EFCAB8: variants seen among roughly 807,000 people sequenced by gnomAD.
EFCAB8 encodes EF-hand calcium-binding domain-containing protein 8.
A neutral mutation model predicts 116.3 loss-of-function variants in EFCAB8; 100 were observed. The observed-to-expected ratio is 0.86, with a 90% confidence interval of 0.73 to 1.02. The LOEUF (loss-of-function observed/expected upper bound fraction) is 1.02, where lower values mean the gene tolerates loss of function less well. Ranked by LOEUF, EFCAB8 falls within the 50% of genes least tolerant of loss-of-function variation. The pLI, the probability that EFCAB8 is intolerant of heterozygous loss-of-function variation, is 0.00. For missense variants in EFCAB8, 1,320 were observed against 1,416.9 expected (o/e 0.93, Z 1.10); for synonymous variants, 558 against 567.9 (o/e 0.98, Z 0.25).
At chr20:32,912,014 A>G (rs936300619) in intron 16 of EFCAB8, among the ~76,000 whole-genome samples, 15 of 152,176 alleles carry the variant, frequency 9.9e-5, no homozygotes, top group Admixed American at 7.9e-4. Context: ...GTTAATTCAC[A>G]GCCACCCATG....
At position 32,908,373 on chromosome 20, in the gene EFCAB8, C is replaced by T. The variant is rs1265428315; in HGVS notation, c.1407C>T (p.Phe469=). Residue 469 remains phenylalanine, a synonymous_variant, in exon 14 of 27, where the codon TTC becomes TTT. Transcript: ENST00000400522. ...ACTGCCCCATCACCAGTGCCTACTT[C>T]TTCGAGAAGGACAATACCCTCATCT... is the stretch of plus-strand genomic sequence containing the variant. The part of the protein sequence containing the change: ...LGNCPITSAY[F]FEKDNTLICS... The T allele has an allele frequency of 4.8e-6, 6 of 1,249,924 alleles. No individual in the cohort carries two copies. The highest frequency in any genetic ancestry group is 1.6e-5 in the African/African-American group (1 of 64,512). The allele number at this position is 1,249,924 out of a possible 1,614,324, so 77.4% of individuals were successfully genotyped here.
At chr20:32,915,251 G>C (rs960201038) in intron 17 of EFCAB8, among the ~76,000 whole-genome samples, 2 of 152,062 alleles carry the variant, frequency 1.3e-5, no homozygotes, top group African/African-American at 2.4e-5. Flanking sequence ...TTTGTCTCTT[G>C]TTGCATTTTA....
At chr20:32,867,438 A>C in intron 2 of EFCAB8, 144 bp from the exon 3 acceptor site, 1 of 933,506 alleles carries the variant, frequency 1.1e-6, no homozygotes, top group Middle Eastern at 2.6e-4. Flanking sequence ...AAAATGGTTA[A>C]GAATTCTGTA....
intron 9 of EFCAB8, among the ~76,000 whole-genome samples, chr20:32,894,780 C>A (rs533303551): frequency 2.0e-5 from 3 of 152,364 alleles, no homozygotes; most frequent in South Asian, 4.1e-4. Flanking sequence ...TGCACAGTGA[C>A]TATGCTATGA....
At chr20:32,946,401 T>G (rs1988597334) in intron 23 of EFCAB8, among the ~76,000 whole-genome samples, 1 of 152,138 alleles carries the variant, frequency 6.6e-6, no homozygotes, top group African/African-American at 2.4e-5. Context: ...TGGTTTTTTG[T>G]TTTTTGTTTT....
intron 11 of EFCAB8, among the ~76,000 whole-genome samples, chr20:32,906,203 A>G (rs370788167): frequency 1.2e-4 from 18 of 152,186 alleles, no homozygotes; most frequent in African/African-American, 3.9e-4. Context: ...GTCCCAGTAC[A>G]GTTGATGTGA....
intron 10 of EFCAB8, among the ~76,000 whole-genome samples, chr20:32,898,037 G>A (rs751940298): frequency 2.6e-5 from 4 of 152,166 alleles, no homozygotes; most frequent in Non-Finnish European, 5.9e-5. Flanking sequence ...AAGTTGCCGT[G>A]AAATGCACAT....
intron 1 of EFCAB8, 103 bp from the exon 2 acceptor site, chr20:32,863,680 T>C: frequency 8.5e-7 from 1 of 1,170,892 alleles, no homozygotes; most frequent in South Asian, 1.5e-5. Context: ...CCCTCTCCCT[T>C]GACCTTGACT....
intron 3 of EFCAB8, among the ~76,000 whole-genome samples, chr20:32,870,688 G>C (rs1327116435): frequency 6.6e-6 from 1 of 152,090 alleles, no homozygotes; most frequent in Non-Finnish European, 1.5e-5. Flanking sequence ...TTTTGGTAGA[G>C]ATGGGGTCTT....
chr20:32,946,709 A>G (rs1353413966), intron 23 of EFCAB8, among the ~76,000 whole-genome samples: 1 of 152,208 alleles, frequency 6.6e-6, no homozygotes, highest in Non-Finnish European at 1.5e-5. Flanking sequence ...GTGAGGTTTC[A>G]TGAATGCATA....
At chr20:32,861,857 T>G (rs1430340821) in intron 1 of EFCAB8, among the ~76,000 whole-genome samples, 1 of 152,222 alleles carries the variant, frequency 6.6e-6, no homozygotes, top group East Asian at 1.9e-4. Flanking sequence ...GAGTATATGT[T>G]TCCAGGCTCT....
At chr20:32,918,255 C>T in intron 18 of EFCAB8, 107 bp from the exon 19 acceptor site, 1 of 1,156,854 alleles carries the variant, frequency 8.6e-7, no homozygotes. Flanking sequence ...GGGAAGCAAG[C>T]CCTGGGGGGC....
intron 17 of EFCAB8, 27 bp from the exon 18 acceptor site, chr20:32,917,274 C>T: frequency 6.6e-7 from 1 of 1,519,810 alleles, no homozygotes. Context: ...GAGCTCTCAG[C>T]CCTCCTGCCT....
At chr20:32,898,834 A>C (rs1278011017) in intron 11 of EFCAB8, among the ~76,000 whole-genome samples, 1 of 152,224 alleles carries the variant, frequency 6.6e-6, no homozygotes, top group Non-Finnish European at 1.5e-5. Flanking sequence ...AAGCCAGCAC[A>C]GAGTGATTGG....
At chr20:32,860,780 A>G (rs1164596512) in intron 1 of EFCAB8, among the ~76,000 whole-genome samples, 1 of 151,836 alleles carries the variant, frequency 6.6e-6, no homozygotes, top group Non-Finnish European at 1.5e-5. Flanking sequence ...TCTCTCACCC[A>G]GGCCCTGGAG....
At chr20:32,864,932 T>C (rs1984312603) in intron 2 of EFCAB8, among the ~76,000 whole-genome samples, 1 of 152,234 alleles carries the variant, frequency 6.6e-6, no homozygotes, top group Non-Finnish European at 1.5e-5. Context: ...CATTTAGGTC[T>C]CAACCACAGC....
intron 3 of EFCAB8, among the ~76,000 whole-genome samples, chr20:32,875,186 G>A (rs955563623): frequency 2.0e-5 from 3 of 152,162 alleles, no homozygotes; most frequent in Non-Finnish European, 4.4e-5. Flanking sequence ...CCCATATGGC[G>A]GGTTTTCAGC....
chr20:32,920,297 G>A (rs1222426381), intron 20 of EFCAB8, 82 bp downstream of exon 20: 3 of 1,499,460 alleles, frequency 2.0e-6, no homozygotes, highest in South Asian at 1.3e-5. Flanking sequence ...GGGCTCGGGG[G>A]CCTGGGCTCG....
chr20:32,925,759 G>C (rs759734397), intron 20 of EFCAB8, among the ~76,000 whole-genome samples: 1 of 152,246 alleles, frequency 6.6e-6, no homozygotes, highest in Non-Finnish European at 1.5e-5. Context: ...AGTTTAGCCC[G>C]TGAGTAGCTT....
Sources: allele counts gnomAD v4.1 joint callset (sites outside exome capture counted in the v4.1 genomes callset), GRCh38; gene constraint gnomAD v4.1.1; transcripts MANE v1.5; gene names NCBI Gene and HGNC (gene_info 2026-07-23, HGNC 2026-07-21).